ASIC5: variants seen among roughly 807,000 people sequenced by gnomAD.
ASIC5 encodes the protein acid sensing ion channel subunit family member 5.
ASIC5 carries 52 observed loss-of-function variants against 51.2 expected under a neutral mutation model. The ratio of observed to expected loss-of-function variants is 1.02; its 90% CI spans 0.81 to 1.28. The LOEUF is 1.28. ASIC5 is among the 50% of genes most tolerant of loss of function. The pLI is 0.00. For synonymous variants in ASIC5, 231 were observed against 200.7 expected (o/e 1.15, Z -1.28); for missense variants, 635 against 595.0 (o/e 1.07, Z -0.70).
intron 4 of ASIC5, among the ~76,000 whole-genome samples, chr4:155,849,796 G>A (rs1053251666): frequency 8.6e-5 from 13 of 151,992 alleles, no homozygotes; most frequent in African/African-American, 3.1e-4. Context: ...ACTGAAGCCA[G>A]TCAACTTAAA....
chr4:155,840,239 G>T (rs1741086448), intron 6 of ASIC5, among the ~76,000 whole-genome samples: 1 of 151,704 alleles, frequency 6.6e-6, no homozygotes, highest in Non-Finnish European at 1.5e-5. Context: ...CAGCAACTTT[G>T]CCAATAAATT....
At chr4:155,860,912 C>T (rs1055417360) in intron 2 of ASIC5, among the ~76,000 whole-genome samples, 3 of 151,814 alleles carry the variant, frequency 2.0e-5, no homozygotes, top group Non-Finnish European at 4.4e-5. Flanking sequence ...TCCCTATAAG[C>T]ACTGTTTTAG....
At chr4:155,849,455 A>C (rs1003381161) in intron 4 of ASIC5, among the ~76,000 whole-genome samples, 2 of 152,088 alleles carry the variant, frequency 1.3e-5, no homozygotes, top group African/African-American at 2.4e-5. Flanking sequence ...ACTGTATACA[A>C]ATAATTTGGC....
intron 8 of ASIC5, among the ~76,000 whole-genome samples, chr4:155,835,422 A>G (rs1488497769): frequency 1.3e-5 from 2 of 152,014 alleles, no homozygotes; most frequent in South Asian, 2.1e-4. Context: ...GAAAAAAAAA[A>G]AAAAAGAAAA....
At chr4:155,838,191 A>C (rs984294342) in intron 7 of ASIC5, among the ~76,000 whole-genome samples, 40 of 152,212 alleles carry the variant, frequency 2.6e-4, no homozygotes, top group African/African-American at 9.6e-4. Flanking sequence ...ATTCTGTTTT[A>C]ATAAAACAAC....
rs372114359 is a variant in ASIC5 at position 155,843,729 on chromosome 4, C to G, written c.813G>C (p.Leu271Phe). ...KKVPQFDGLGLLSPVGMHARV... is the reference protein window; with the variant it reads ...KKVPQFDGLGFLSPVGMHARV... ...TTGCGTGCATTCCCACAGGTGACAA[C>G]AAGCCTAACCCATCAAACTGTGGCA... is the stretch of plus-strand genomic sequence containing the variant. The change falls in exon 5 of 10, where the codon TTG becomes TTC. Residue 271 changes from leucine (L) to phenylalanine (F), a missense_variant. Leu to Phe is a conservative substitution (Grantham distance 22). Coordinates refer to ENST00000537611, the MANE Select transcript of ASIC5 (RefSeq NM_017419.3). The G allele has an allele frequency of 6.2e-7, 1 of 1,613,652 alleles. No homozygotes were observed. Among genetic ancestry groups the G allele is most frequent in the Non-Finnish European group, 8.5e-7 (1 of 1,179,722 alleles).
In ASIC5 at chr4:155,831,730, C is replaced by A. The variant is rs554051195; in HGVS notation, c.1327+94G>T. 2.2e-3 allele frequency: 1,610 copies of A among 724,454 alleles called. 9 individuals carry two copies. Among genetic ancestry groups the A allele is most frequent in the Middle Eastern group, 0.011 (27 of 2,446 alleles). 44.9% of individuals were successfully genotyped at this position (724,454 alleles called of 1,614,324 possible). On this transcript the variant is annotated intron_variant, in intron 9 of 9. Coordinates refer to ENST00000537611, the MANE Select transcript of ASIC5 (RefSeq NM_017419.3). Reference sequence around the variant, plus strand: ...CGGAGCTTGCAGTAAGCCAAGATGGCGCCACTGCACTCCAGCCTGGGCTAC... The same window carrying A: ...CGGAGCTTGCAGTAAGCCAAGATGGAGCCACTGCACTCCAGCCTGGGCTAC...
chr4:155,839,733 A>T (rs74836117), intron 6 of ASIC5, among the ~76,000 whole-genome samples: 10 of 151,898 alleles, frequency 6.6e-5, no homozygotes, highest in African/African-American at 9.7e-5. Context: ...AAAAAAAAAA[A>T]CTACCTCCAA....
chr4:155,864,884 T>G (rs573867370), intron 1 of ASIC5: 2 of 152,234 alleles, frequency 1.3e-5, no homozygotes, highest in South Asian at 4.1e-4. Context: ...TCTTAATGGC[T>G]TTATATATGT....
At chr4:155,842,429 A>G (rs774209439) in intron 5 of ASIC5, 75 bp from the exon 6 acceptor site, 1 of 1,370,566 alleles carries the variant, frequency 7.3e-7, no homozygotes, top group African/African-American at 1.5e-5. Context: ...AGAAGCTGGT[A>G]CACATTTTTA....
chr4:155,845,979 G>A (rs1231056902), intron 4 of ASIC5, among the ~76,000 whole-genome samples: 1 of 151,852 alleles, frequency 6.6e-6, no homozygotes, highest in Non-Finnish European at 1.5e-5. Context: ...ACCTTTATTG[G>A]CATACCTAAT....
intron 4 of ASIC5, among the ~76,000 whole-genome samples, chr4:155,849,821 A>T (rs1472688613): frequency 6.6e-6 from 1 of 152,090 alleles, no homozygotes; most frequent in Non-Finnish European, 1.5e-5. Flanking sequence ...AGAAGAAAGT[A>T]ACTGCAGCCT....
At chr4:155,842,006 A>C (rs1741130169) in intron 6 of ASIC5, among the ~76,000 whole-genome samples, 1 of 152,276 alleles carries the variant, frequency 6.6e-6, no homozygotes, top group South Asian at 2.1e-4. Context: ...ATTAGTTGTC[A>C]TTTTAGTCTG....
chr4:155,854,380 C>A (rs546965747), intron 2 of ASIC5, 66 bp from the exon 3 acceptor site: 1 of 1,090,070 alleles, frequency 9.2e-7, no homozygotes, highest in South Asian at 1.4e-5. Context: ...AAGACAGATA[C>A]CAACATCTAG....
chr4:155,863,857 C>A (rs571948312), intron 1 of ASIC5, 103 bp from the exon 2 acceptor site: 5 of 911,024 alleles, frequency 5.5e-6, no homozygotes, highest in Non-Finnish European at 8.1e-6. Context: ...AGAGGTGACT[C>A]TTTTTACTTG....
rs1741323350 is a variant in ASIC5 at position 155,849,255 on chromosome 4, G to A, written c.711+2936C>T. ...AGTAAAGAATGTCACTTTCTGACAG[G>A]CCCAGAAGCTCCAAGTTTATCTTGG... On this transcript the variant is annotated intron_variant, in intron 4 of 9. Coordinates refer to ENST00000537611, the MANE Select transcript of ASIC5 (RefSeq NM_017419.3). Among the ~76,000 whole-genome samples the A allele has an allele frequency of 2.6e-5, 4 of 151,928 alleles. No individual in the cohort carries two copies. In the South Asian group the frequency reaches 8.3e-4, roughly 32 times the overall value.
intron 8 of ASIC5, 98 bp from the exon 9 acceptor site, chr4:155,832,013 A>G (rs1409278609): frequency 1.3e-5 from 8 of 615,912 alleles, no homozygotes; most frequent in East Asian, 3.0e-5. Flanking sequence ...TTTATATGCT[A>G]TTTAATGTTA....
intron 8 of ASIC5, among the ~76,000 whole-genome samples, chr4:155,832,870 T>C (rs1249799860): frequency 6.6e-6 from 1 of 152,138 alleles, no homozygotes; most frequent in Non-Finnish European, 1.5e-5. Context: ...TAACTGGTCT[T>C]TCTGTTTCCA....
At chr4:155,840,951 C>T (rs186441052) in intron 6 of ASIC5, among the ~76,000 whole-genome samples, 6 of 151,726 alleles carry the variant, frequency 4.0e-5, no homozygotes, top group East Asian at 1.9e-4. Context: ...ATTGACTCAG[C>T]GCAAAAAGAC....
Sources: gnomAD v4.1 joint callset for allele counts (sites outside exome capture counted in the v4.1 genomes callset) on GRCh38, gnomAD v4.1.1 for gene constraint, MANE v1.5 for transcripts, NCBI Gene and HGNC (gene_info 2026-07-23, HGNC 2026-07-21) for gene names.